Variants in PXDNL observed in about 807,000 individuals in gnomAD.
PXDNL encodes peroxidasin like, also known as probable oxidoreductase PXDNL.
In PXDNL, 145 loss-of-function variants were observed where a neutral mutation model predicts 150.8. That is an observed-to-expected ratio of 0.96 (90% CI 0.84 to 1.10). The LOEUF is 1.10. Among genes scored for constraint, PXDNL ranks in the 50% least tolerant of loss-of-function variants. The pLI is 0.00. For missense variants in PXDNL, 2,087 were observed against 1,873.9 expected (o/e 1.11, Z -2.10); for synonymous variants, 757 against 725.7 (o/e 1.04, Z -0.69).
chr8:51,464,331 T>A (rs536054984), intron 8 of PXDNL, among the ~76,000 whole-genome samples: 16 of 152,408 alleles, frequency 1.0e-4, no homozygotes, highest in African/African-American at 3.8e-4. Context: ...ACCATTACAA[T>A]TTAGCCTGGG....
At chr8:51,754,870 A>G (rs1400606888) in intron 1 of PXDNL, among the ~76,000 whole-genome samples, 1 of 152,018 alleles carries the variant, frequency 6.6e-6, no homozygotes, top group Non-Finnish European at 1.5e-5. Context: ...AGAAGGCAAT[A>G]TTTGTTCATT....
At chr8:51,727,472 T>C (rs1816836539) in intron 1 of PXDNL, among the ~76,000 whole-genome samples, 1 of 152,188 alleles carries the variant, frequency 6.6e-6, no homozygotes, top group African/African-American at 2.4e-5. Flanking sequence ...GTGTTTACAA[T>C]TGTCTACTGT....
chr8:51,542,508 AAAGAG>A lies in PXDNL; in HGVS notation c.380+14327_380+14331del, dbSNP rs779463444. On this transcript the variant is annotated intron_variant, in intron 4 of 22. Transcript: ENST00000356297. ...TTAATGCCCTTATAAAAAAAAAAAA[AAAGAG>A]AGAGAGAGAAGTCGACCAGGTGCTG... Among the ~76,000 whole-genome samples, 1,005 of 150,372 alleles carry A rather than the reference AAAGAG, an allele frequency of 6.7e-3. 10 individuals are homozygous for A. Among genetic ancestry groups the A allele is most frequent in the African/African-American group, 0.024 (966 of 40,876 alleles).
intron 5 of PXDNL, among the ~76,000 whole-genome samples, chr8:51,489,696 TAGAAGAAATAGAATGGATTCTTCAA>T (rs1810846472): frequency 6.6e-6 from 1 of 152,194 alleles, no homozygotes; most frequent in Admixed American, 6.5e-5. Context: ...CATAATAGGC[TAGAAGAAATAGAATGGATTCTTCAA>T]AGATCAAGGG....
intron 17 of PXDNL, among the ~76,000 whole-genome samples, chr8:51,387,445 G>A (rs1266454031): frequency 6.6e-6 from 1 of 152,162 alleles, no homozygotes; most frequent in African/African-American, 2.4e-5. Flanking sequence ...ATGTCTAGAA[G>A]AAGTCAGAGA....
chr8:51,568,176 T>C (rs1473582653), intron 3 of PXDNL, among the ~76,000 whole-genome samples: 4 of 149,150 alleles, frequency 2.7e-5, no homozygotes, highest in Non-Finnish European at 5.9e-5. Context: ...TAAAAGATTA[T>C]ATTTTACCTT....
chr8:51,564,895 T>C (rs1164925312), intron 3 of PXDNL, among the ~76,000 whole-genome samples: 2 of 151,960 alleles, frequency 1.3e-5, no homozygotes, highest in East Asian at 1.9e-4. Flanking sequence ...GTGTTGATTG[T>C]TTGGGATTTT....
intron 4 of PXDNL, among the ~76,000 whole-genome samples, chr8:51,551,629 G>A (rs537251004): frequency 1.2e-4 from 18 of 152,258 alleles, no homozygotes; most frequent in Non-Finnish European, 2.4e-4. Context: ...GCCACATGCA[G>A]AAGAATCAAA....
At chr8:51,454,462 C>T (rs1165303718) in intron 9 of PXDNL, among the ~76,000 whole-genome samples, 2 of 152,176 alleles carry the variant, frequency 1.3e-5, no homozygotes, top group African/African-American at 4.8e-5. Flanking sequence ...CTTTCAGTTA[C>T]TTTCAGCTAA....
At chr8:51,441,490 G>A (rs1039252912) in intron 12 of PXDNL, among the ~76,000 whole-genome samples, 3 of 152,202 alleles carry the variant, frequency 2.0e-5, no homozygotes, top group African/African-American at 4.8e-5. Flanking sequence ...AACAGCAGCA[G>A]AGAACTAGAA....
At chr8:51,603,072 C>A (rs1304203038) in intron 2 of PXDNL, among the ~76,000 whole-genome samples, 1 of 151,468 alleles carries the variant, frequency 6.6e-6, no homozygotes, top group Admixed American at 6.6e-5. Context: ...TATAGTTTCC[C>A]CTGTGATATG....
intron 2 of PXDNL, among the ~76,000 whole-genome samples, chr8:51,606,903 T>G (rs999273627): frequency 1.6e-4 from 25 of 152,204 alleles, no homozygotes; most frequent in Admixed American, 5.2e-4. Context: ...CTCATACATG[T>G]GGTTACCATA....
intron 19 of PXDNL, among the ~76,000 whole-genome samples, chr8:51,369,569 T>C (rs1393471477): frequency 6.6e-6 from 1 of 152,122 alleles, no homozygotes; most frequent in Non-Finnish European, 1.5e-5. Context: ...AAACATTACA[T>C]TAGGATTGGA....
At chr8:51,608,059 AAGCAAGCAAGC>A (rs1563481793) in intron 2 of PXDNL, among the ~76,000 whole-genome samples, 1,161 of 107,416 alleles carry the variant, frequency 0.011, 29 homozygotes, top group African/African-American at 0.02. Flanking sequence ...GAAAGAAAGC[AAGCAAGCAAGC>A]AAGCAAGCAA....
chr8:51,541,704 C>T (rs956718826), intron 4 of PXDNL, among the ~76,000 whole-genome samples: 2 of 152,172 alleles, frequency 1.3e-5, no homozygotes, highest in Non-Finnish European at 2.9e-5. Context: ...TCTGTATCCT[C>T]AACTTAGCAA....
At chr8:51,403,881 T>C (rs983938394) in intron 17 of PXDNL, among the ~76,000 whole-genome samples, 1 of 152,188 alleles carries the variant, frequency 6.6e-6, no homozygotes, top group Admixed American at 6.5e-5. Context: ...TCACGGTGAG[T>C]GTTACAGGTC....
At position 51,435,824 on chromosome 8, in the gene PXDNL, A is replaced by G; in HGVS notation, c.1526-9066T>C. On this transcript the variant is annotated intron_variant, in intron 12 of 22. Coordinates refer to ENST00000356297, the MANE Select transcript of PXDNL (RefSeq NM_144651.5). ...TTCCAGAGGAATAAATAAATTTCAG[A>G]ACAAGACATTTTATGCAGGACTTGA... 6.8e-6 allele frequency: 3 copies of G among 442,342 alleles called. No homozygotes were observed. In the Admixed American group the frequency reaches 8.3e-5, roughly 12 times the overall value. The allele number at this position is 442,342 out of a possible 1,614,324, so 27.4% of individuals were successfully genotyped here.
At chr8:51,324,423 T>C (rs1002146551) in intron 21 of PXDNL, among the ~76,000 whole-genome samples, 2 of 152,182 alleles carry the variant, frequency 1.3e-5, no homozygotes, top group African/African-American at 2.4e-5. Context: ...GGCAGGGTAA[T>C]GTTTCTCTTT....
chr8:51,564,618 GAGA>G (rs1431034118), intron 3 of PXDNL, among the ~76,000 whole-genome samples: 10 of 151,384 alleles, frequency 6.6e-5, no homozygotes, highest in African/African-American at 2.2e-4. Context: ...CGAGATAAGG[GAGA>G]AGAAGAGAAA....
Sources: allele counts gnomAD v4.1 joint callset (sites outside exome capture counted in the v4.1 genomes callset), GRCh38; gene constraint gnomAD v4.1.1; transcripts MANE v1.5; gene names NCBI Gene and HGNC (gene_info 2026-07-23, HGNC 2026-07-21).